WARS2: variants seen among roughly 807,000 people sequenced by gnomAD.
WARS2 encodes tryptophanyl tRNA synthetase 2, mitochondrial.
Under a neutral mutation model 36.5 loss-of-function variants are expected in WARS2, and 28 were observed. The observed-to-expected ratio is 0.77, with a 90% CI of 0.57 to 1.05. WARS2 has a LOEUF of 1.05. WARS2 is among the 50% of genes least tolerant of loss of function. The pLI, the probability that WARS2 is intolerant of heterozygous loss-of-function variation, is 0.00. For synonymous variants in WARS2, 174 were observed against 178.4 expected, an observed-to-expected ratio of 0.98 and a Z score of 0.20; for missense variants, 435 against 456.8, an observed-to-expected ratio of 0.95 and a Z score of 0.44.
At chr1:119,107,896 G>A (rs1654356783) in intron 1 of WARS2, among the ~76,000 whole-genome samples, 1 of 151,960 alleles carries the variant, frequency 6.6e-6, no homozygotes, top group African/African-American at 2.4e-5. Flanking sequence ...AATGAGTGTT[G>A]CGTTTTGTTA....
chr1:119,104,929 C>T (rs937716129), intron 1 of WARS2, among the ~76,000 whole-genome samples: 5 of 151,978 alleles, frequency 3.3e-5, no homozygotes, highest in African/African-American at 1.2e-4. Flanking sequence ...CTTGGACTGG[C>T]AAATGATTCG....
chr1:119,037,373 T>A (rs1252232161), intron 4 of WARS2, among the ~76,000 whole-genome samples: 4 of 152,238 alleles, frequency 2.6e-5, no homozygotes, highest in African/African-American at 9.6e-5. Flanking sequence ...GTTGCCTACA[T>A]ATATCTGCTC....
At chr1:119,056,011 C>CT (rs35376461) in intron 2 of WARS2, among the ~76,000 whole-genome samples, 43,099 of 127,168 alleles carry the variant, frequency 0.34, 8,462 homozygotes, top group African/African-American at 0.49. Context: ...CATACCATAA[C>CT]TTTTTTTTTT....
intron 1 of WARS2, among the ~76,000 whole-genome samples, chr1:119,113,490 A>C (rs587674929): frequency 2.0e-4 from 30 of 152,306 alleles, no homozygotes; most frequent in Non-Finnish European, 4.1e-4. Context: ...AGATTCCTTA[A>C]GACTAGGAAG....
At chr1:119,084,681 A>T (rs1652486515) in intron 1 of WARS2, among the ~76,000 whole-genome samples, 1 of 152,180 alleles carries the variant, frequency 6.6e-6, no homozygotes, top group Non-Finnish European at 1.5e-5. Context: ...TCAAACACAA[A>T]ACTAGAATTC....
intron 1 of WARS2, among the ~76,000 whole-genome samples, chr1:119,084,839 C>A (rs1179170288): frequency 6.6e-6 from 1 of 152,184 alleles, no homozygotes; most frequent in African/African-American, 2.4e-5. Flanking sequence ...GGATATGTAG[C>A]TGTTGAAACT....
At chr1:119,139,758 G>A (rs1051234219) in intron 1 of WARS2, 7 of 152,174 alleles carry the variant, frequency 4.6e-5, no homozygotes, top group Non-Finnish European at 7.3e-5. Flanking sequence ...ATCTCCCGTA[G>A]ATAAAGTATG....
chr1:119,033,385 A>G lies in WARS2; in HGVS notation c.635-26T>C, dbSNP rs752097663. The G allele has an allele frequency of 9.9e-6, 16 of 1,612,478 alleles. No individual in the cohort carries two copies. The Admixed American group carries it at 2.7e-4, about 27-fold the overall frequency. On this transcript the variant is annotated intron_variant, in intron 5 of 5. Coordinates refer to ENST00000235521, the MANE Select transcript of WARS2 (RefSeq NM_015836.4). ...CTAGGTTAAAAACACCAACACACAC[A>G]TACCCAAAACAAAAACAAAACAAAC... is the stretch of plus-strand genomic sequence containing the variant.
chr1:119,046,514 ATTTTTT>A (rs113950723), intron 2 of WARS2, among the ~76,000 whole-genome samples: 1 of 140,876 alleles, frequency 7.1e-6, no homozygotes, highest in African/African-American at 2.6e-5. Flanking sequence ...CATCCGGCTA[ATTTTTT>A]TTTTTTTTTG....
intron 1 of WARS2, among the ~76,000 whole-genome samples, chr1:119,137,847 T>G (rs187017016): frequency 3.0e-4 from 46 of 152,334 alleles, no homozygotes; most frequent in Admixed American, 2.7e-3. Flanking sequence ...AGTTTACATC[T>G]GCATCCTCTG....
At position 119,033,238 on chromosome 1, in the gene WARS2, G is replaced by A; in HGVS notation, c.756C>T (p.Arg252=). 6.2e-7 allele frequency: 1 copy of A among 1,614,252 alleles called. No individual in the cohort carries two copies. Among genetic ancestry groups the A allele is most frequent in the Non-Finnish European group, 8.5e-7 (1 of 1,180,042 alleles). The change falls in exon 6 of 6, where the codon CGC becomes CGT. Residue 252 remains arginine, a synonymous_variant. Transcript: ENST00000235521. ...DSPEEIVQKF[R]KAVTDFTSEV... ...CCGAGGTGAAGTCTGTCACAGCCTTGCGGAATTTCTGCACTATCTCCTCTG... is the reference window on the plus strand; with the variant it reads ...CCGAGGTGAAGTCTGTCACAGCCTTACGGAATTTCTGCACTATCTCCTCTG...
chr1:119,069,994 G>T (rs945976196), intron 2 of WARS2, among the ~76,000 whole-genome samples: 5 of 152,160 alleles, frequency 3.3e-5, no homozygotes, highest in Non-Finnish European at 7.3e-5. Flanking sequence ...CGTAAGTGGT[G>T]CTTTAGGGGA....
rs3934790 is a variant in WARS2 at position 119,140,540 on chromosome 1, G to A, written c.90+15C>T. 1 of 1,610,956 alleles carries A rather than the reference G, an allele frequency of 6.2e-7. No homozygotes were observed. The highest frequency in any genetic ancestry group is 8.5e-7 in the Non-Finnish European group (1 of 1,177,650). On this transcript the variant is annotated intron_variant, in intron 1 of 5. Coordinates refer to ENST00000235521, the MANE Select transcript of WARS2 (RefSeq NM_015836.4). The stretch of plus-strand genomic sequence containing the variant: ...GGGATGGGAAGCCGCGGAGGGAAGG[G>A]CCGTCTTTGGTTACCTGGAGAGCGG...
chr1:119,132,666 T>C (rs1241940879), intron 1 of WARS2, among the ~76,000 whole-genome samples: 1 of 152,176 alleles, frequency 6.6e-6, no homozygotes, highest in Non-Finnish European at 1.5e-5. Flanking sequence ...TTTATTCATA[T>C]AATAAAGTTG....
chr1:119,121,673 C>T (rs1655334264), intron 1 of WARS2, among the ~76,000 whole-genome samples: 1 of 151,904 alleles, frequency 6.6e-6, no homozygotes, highest in South Asian at 2.1e-4. Flanking sequence ...CAAAACAGCA[C>T]AGTACTAGTA....
At chr1:119,056,456 A>G (rs569841342) in intron 2 of WARS2, among the ~76,000 whole-genome samples, 66 of 149,300 alleles carry the variant, frequency 4.4e-4, no homozygotes, top group African/African-American at 1.5e-3. Context: ...ATTCATTTAA[A>G]CATTATATAT....
At position 119,042,311 on chromosome 1, in the gene WARS2, G is replaced by A; in HGVS notation, c.468C>T (p.Gly156=). ...TTKQKHDGTV[G]LLTYPVLQAA... ...CCTGGAGTACTGGGTATGTGAGCAG[G>A]CCCACCGTGCCATCGTGCTTCTGCT... Residue 156 remains glycine (G), a synonymous_variant, in exon 4 of 6, where the codon GGC becomes GGT. Transcript: ENST00000235521. The A allele has an allele frequency of 6.2e-7, 1 of 1,613,800 alleles. No individual in the cohort carries two copies. The highest frequency in any genetic ancestry group is 1.1e-5 in the South Asian group (1 of 91,062).
At chr1:119,111,083 C>CA (rs1219099841) in intron 1 of WARS2, among the ~76,000 whole-genome samples, 1 of 151,826 alleles carries the variant, frequency 6.6e-6, no homozygotes, top group African/African-American at 2.4e-5. Context: ...TAATCATAGT[C>CA]AAAAAAAATT....
intron 1 of WARS2, among the ~76,000 whole-genome samples, chr1:119,131,467 T>TG (rs1656098663): frequency 1.4e-5 from 2 of 147,416 alleles, no homozygotes; most frequent in South Asian, 2.1e-4. Context: ...TGTTTTTTGT[T>TG]TTTTTTTTTT....
Sources: allele counts gnomAD v4.1 joint callset (sites outside exome capture counted in the v4.1 genomes callset), GRCh38; gene constraint gnomAD v4.1.1; transcripts MANE v1.5; gene names NCBI Gene and HGNC (gene_info 2026-07-23, HGNC 2026-07-21).